Variants in TLL1 observed in about 807,000 individuals in gnomAD.
TLL1 encodes the protein tolloid like 1.
A neutral mutation model predicts 128.2 loss-of-function variants in TLL1; 49 were observed. The ratio of observed to expected loss-of-function variants is 0.38; its 90% CI spans 0.30 to 0.48. The LOEUF is 0.48. TLL1 is among the 20% of genes least tolerant of loss of function. The pLI, the probability that TLL1 is intolerant of heterozygous loss-of-function variation, is 0.96. For synonymous variants in TLL1, 454 were observed against 418.8 expected, an observed-to-expected ratio of 1.08 and a Z score of -1.03; for missense variants, 1,123 against 1,242.0, an observed-to-expected ratio of 0.90 and a Z score of 1.44.
At chr4:165,886,096 AC>A (rs1287477608) in intron 1 of TLL1, among the ~76,000 whole-genome samples, 1 of 152,026 alleles carries the variant, frequency 6.6e-6, no homozygotes, top group Non-Finnish European at 1.5e-5. Context: ...AGCAAGTTTC[AC>A]TTTTGTGGCT....
At chr4:166,082,604 A>C (rs1741334802) in intron 18 of TLL1, among the ~76,000 whole-genome samples, 1 of 152,126 alleles carries the variant, frequency 6.6e-6, no homozygotes, top group Non-Finnish European at 1.5e-5. Flanking sequence ...AATTTCATCA[A>C]GATGTTACAA....
At chr4:166,023,167 G>C (rs1738320507) in intron 8 of TLL1, among the ~76,000 whole-genome samples, 2 of 152,158 alleles carry the variant, frequency 1.3e-5, no homozygotes, top group African/African-American at 4.8e-5. Context: ...GGGAGGCCGA[G>C]GCAGGTGGAT....
At chr4:165,877,852 G>A (rs1200402722) in intron 1 of TLL1, among the ~76,000 whole-genome samples, 2 of 151,514 alleles carry the variant, frequency 1.3e-5, no homozygotes, top group African/African-American at 4.9e-5. Context: ...ATATCTAATA[G>A]GAGAAATTGA....
intron 1 of TLL1, among the ~76,000 whole-genome samples, chr4:165,888,152 C>T (rs1346431445): frequency 6.6e-6 from 1 of 152,144 alleles, no homozygotes; most frequent in Non-Finnish European, 1.5e-5. Context: ...GCTGTGCTGA[C>T]AGCCTCCCAG....
chr4:165,950,455 A>C (rs1419386525), intron 1 of TLL1, among the ~76,000 whole-genome samples: 2 of 152,124 alleles, frequency 1.3e-5, no homozygotes, highest in African/African-American at 4.8e-5. Context: ...CATTTTACCC[A>C]ACAACAGCAG....
At chr4:165,993,405 TA>T (rs1736729824) in intron 3 of TLL1, among the ~76,000 whole-genome samples, 1 of 152,066 alleles carries the variant, frequency 6.6e-6, no homozygotes, top group Admixed American at 6.6e-5. Flanking sequence ...TTGAATGTAT[TA>T]AAAATTATTT....
chr4:165,877,541 T>A (rs906592433), intron 1 of TLL1, among the ~76,000 whole-genome samples: 1 of 152,240 alleles, frequency 6.6e-6, no homozygotes, highest in Admixed American at 6.5e-5. Flanking sequence ...GTGTCCTGTT[T>A]CATTGTTGTA....
intron 12 of TLL1, among the ~76,000 whole-genome samples, chr4:166,046,017 A>G (rs539685609): frequency 6.6e-6 from 1 of 152,300 alleles, no homozygotes; most frequent in South Asian, 2.1e-4. Context: ...CATGTTTATT[A>G]TCTGTCTCTC....
intron 1 of TLL1, among the ~76,000 whole-genome samples, chr4:165,911,403 C>T (rs193007512): frequency 3.3e-5 from 5 of 152,182 alleles, no homozygotes; most frequent in East Asian, 1.9e-4. Context: ...AGTATTTCAT[C>T]GTGTATATAT....
chr4:166,049,590 G>A (rs896554714), intron 12 of TLL1, among the ~76,000 whole-genome samples: 1 of 151,314 alleles, frequency 6.6e-6, no homozygotes, highest in Admixed American at 6.6e-5. Context: ...ACCTAAGCAA[G>A]ACCTATGATG....
chr4:166,071,361 A>G (rs900025091), intron 16 of TLL1, among the ~76,000 whole-genome samples: 2 of 151,840 alleles, frequency 1.3e-5, no homozygotes, highest in Non-Finnish European at 2.9e-5. Flanking sequence ...TTTCCTAATG[A>G]TGGGCCTTTT....
At chr4:165,913,518 G>T in intron 1 of TLL1, among the ~76,000 whole-genome samples, 1 of 152,196 alleles carries the variant, frequency 6.6e-6, no homozygotes, top group East Asian at 1.9e-4. Flanking sequence ...TGAAGGTCTA[G>T]TTGAAAATAT....
chr4:166,087,925 T>C (rs1018271431), intron 18 of TLL1, among the ~76,000 whole-genome samples: 2 of 152,184 alleles, frequency 1.3e-5, no homozygotes, highest in South Asian at 2.1e-4. Context: ...TTAGGATTTC[T>C]GACTAGGGCC....
intron 7 of TLL1, 138 bp downstream of exon 7, chr4:166,008,186 T>C (rs112467120): frequency 2.4e-4 from 147 of 604,268 alleles, no homozygotes; most frequent in African/African-American, 2.3e-3. Flanking sequence ...AAATAATTCA[T>C]GAACATTTAT....
At chr4:166,024,277 A>G (rs934174573) in intron 8 of TLL1, among the ~76,000 whole-genome samples, 2 of 152,290 alleles carry the variant, frequency 1.3e-5, no homozygotes, top group East Asian at 3.9e-4. Context: ...CATATTCACT[A>G]TCTTTCTTTC....
rs1238690758 is a variant in TLL1 at position 166,055,211 on chromosome 4, A to G, written c.1660A>G (p.Met554Val). The G allele has an allele frequency of 3.1e-6, 5 of 1,613,724 alleles. No individual in the cohort carries two copies. In the East Asian group the frequency reaches 1.1e-4, roughly 36 times the overall value. ...AAGATCTACCTCCAATACTTTGTGG[A>G]TGAAGTTTGTTTCTGACGGAACTGT... is the stretch of plus-strand genomic sequence containing the variant. ...DIRSTSNTLW[M>V]KFVSDGTVNK... The change falls in exon 13 of 21, where the codon ATG becomes GTG. Residue 554 changes from methionine to valine, a missense_variant. Physicochemically the swap from Met to Val is conservative, Grantham distance 21. Around this residue, in one of 3 missense-constraint regions of TLL1, gnomAD observed 634 missense variants for 672.4 expected, o/e 0.94. Transcript: ENST00000061240.
At chr4:166,017,529 G>A (rs1738005589) in intron 8 of TLL1, among the ~76,000 whole-genome samples, 2 of 152,120 alleles carry the variant, frequency 1.3e-5, no homozygotes, top group African/African-American at 2.4e-5. Flanking sequence ...TTTCCTCAAT[G>A]GCTGGACTAC....
At chr4:166,100,527 C>T (rs891979949) in intron 20 of TLL1, among the ~76,000 whole-genome samples, 5 of 152,074 alleles carry the variant, frequency 3.3e-5, no homozygotes, top group Admixed American at 2.6e-4. Context: ...GCTACATCAC[C>T]GACTAGTCGC....
At chr4:165,990,450 A>G (rs1254665622) in intron 2 of TLL1, among the ~76,000 whole-genome samples, 1 of 151,850 alleles carries the variant, frequency 6.6e-6, no homozygotes, top group African/African-American at 2.4e-5. Context: ...TACTTTGCCC[A>G]ATTTACTTTT....
Sources: gnomAD v4.1 joint callset for allele counts (sites outside exome capture counted in the v4.1 genomes callset) on GRCh38, gnomAD v4.1.1 for gene constraint, gnomAD v4.1.1 regional missense constraint, MANE v1.5 for transcripts, NCBI Gene and HGNC (gene_info 2026-07-23, HGNC 2026-07-21) for gene names.